Variants in XIRP2 observed in about 807,000 individuals in gnomAD.
XIRP2 encodes xin actin-binding repeat-containing protein 2.
XIRP2 carries 236 observed loss-of-function variants against 277.0 expected under a neutral mutation model. That is an observed-to-expected ratio of 0.85 (90% CI 0.77 to 0.95). The LOEUF (loss-of-function observed/expected upper bound fraction) is 0.95. Ranked by LOEUF, XIRP2 falls within the 40% of genes least tolerant of loss-of-function variation. The pLI is 0.00. For missense variants in XIRP2, 4,640 were observed against 4,157.5 expected (o/e 1.12, Z -3.19); for synonymous variants, 1,490 against 1,416.5 (o/e 1.05, Z -1.17).
intron 3 of XIRP2, among the ~76,000 whole-genome samples, chr2:167,150,729 AC>A (rs1212110411): frequency 2.0e-5 from 3 of 151,986 alleles, no homozygotes; most frequent in African/African-American, 4.8e-5. Flanking sequence ...AAATTGGGCA[AC>A]TTTTTGATTA....
intron 3 of XIRP2, among the ~76,000 whole-genome samples, chr2:167,158,686 G>T (rs893597334): frequency 6.6e-6 from 1 of 152,118 alleles, no homozygotes; most frequent in Non-Finnish European, 1.5e-5. Context: ...ATTGAAACTT[G>T]TAAATTTTAA....
chr2:167,027,654 T>C (rs1311066255), intron 2 of XIRP2, among the ~76,000 whole-genome samples: 4 of 152,096 alleles, frequency 2.6e-5, no homozygotes, highest in Non-Finnish European at 4.4e-5. Flanking sequence ...CTTTTGGTCT[T>C]TGATGATGGT....
chr2:167,183,823 G>T (rs538860801), intron 3 of XIRP2, among the ~76,000 whole-genome samples: 78 of 152,110 alleles, frequency 5.1e-4, no homozygotes, highest in African/African-American at 1.8e-3. Context: ...AGTAAGCAGG[G>T]TGTATTCAAA....
intron 5 of XIRP2, among the ~76,000 whole-genome samples, chr2:167,234,214 T>C (rs1694837046): frequency 6.6e-6 from 1 of 151,504 alleles, no homozygotes; most frequent in Non-Finnish European, 1.5e-5. Context: ...TTGCTCTTTC[T>C]AGCTAAATAT....
intron 2 of XIRP2, among the ~76,000 whole-genome samples, chr2:166,905,052 A>C (rs1464621312): frequency 6.6e-6 from 1 of 152,066 alleles, no homozygotes; most frequent in Non-Finnish European, 1.5e-5. Flanking sequence ...TAGAGACTAC[A>C]GAATCTCTTA....
At chr2:167,080,319 A>T (rs1411932423) in intron 2 of XIRP2, among the ~76,000 whole-genome samples, 1 of 152,230 alleles carries the variant, frequency 6.6e-6, no homozygotes, top group Non-Finnish European at 1.5e-5. Flanking sequence ...CTCAGAGAAG[A>T]CAAAAATCCC....
intron 2 of XIRP2, among the ~76,000 whole-genome samples, chr2:167,123,272 C>A (rs1465390075): frequency 6.6e-6 from 1 of 152,018 alleles, no homozygotes; most frequent in African/African-American, 2.4e-5. Context: ...TTTAATTCAT[C>A]CATTGGGGGT....
At chr2:167,231,968 A>G (rs1489206262) in intron 5 of XIRP2, among the ~76,000 whole-genome samples, 1 of 151,950 alleles carries the variant, frequency 6.6e-6, no homozygotes, top group African/African-American at 2.4e-5. Context: ...TACTGGATAC[A>G]AATCCTCCTA....
At chr2:167,161,863 C>G (rs1464748503) in intron 3 of XIRP2, among the ~76,000 whole-genome samples, 2 of 152,182 alleles carry the variant, frequency 1.3e-5, no homozygotes, top group Admixed American at 1.3e-4. Context: ...TTTCCAAACT[C>G]TTATGCTCTG....
intron 4 of XIRP2, 68 bp downstream of exon 4, chr2:167,210,963 T>C: frequency 6.4e-7 from 1 of 1,574,474 alleles, no homozygotes; most frequent in South Asian, 1.2e-5. Context: ...CCTCTTTATA[T>C]TTGAAATGTA....
intron 2 of XIRP2, among the ~76,000 whole-genome samples, chr2:166,942,764 C>T (rs1685753940): frequency 6.6e-6 from 1 of 151,786 alleles, no homozygotes; most frequent in Non-Finnish European, 1.5e-5. Context: ...AAAGAAATAT[C>T]AGTATGAGGT....
intron 3 of XIRP2, among the ~76,000 whole-genome samples, chr2:167,207,622 A>G (rs1358704548): frequency 6.6e-6 from 1 of 152,192 alleles, no homozygotes; most frequent in Non-Finnish European, 1.5e-5. Flanking sequence ...AAATTTTATT[A>G]ATAGATTTAG....
intron 2 of XIRP2, among the ~76,000 whole-genome samples, chr2:167,122,712 T>C (rs949452315): frequency 2.0e-5 from 3 of 152,170 alleles, no homozygotes; most frequent in Non-Finnish European, 4.4e-5. Context: ...AGGCCCCTTT[T>C]TGAGAAAATA....
Position 167,248,732 on chromosome 2 carries a change from C to T in XIRP2, c.7340C>T (p.Ala2447Val), listed in dbSNP as rs1327348116. Residue 2447 changes from alanine (A) to valine (V), a missense_variant, in exon 9 of 11, where the codon GCA (alanine) becomes GTA (valine). Ala to Val is a moderately conservative substitution (Grantham distance 64). Transcript: ENST00000409195. The part of the protein sequence containing the change: ...KNDFSPKVEL[A>V]TSLSDMECKI... The stretch of plus-strand genomic sequence containing the variant: ...GATTTTTCCCCCAAAGTTGAACTGG[C>T]AACCTCCCTGTCAGATATGGAATGT... 6.2e-7 allele frequency: 1 copy of T among 1,613,750 alleles called. No homozygotes were observed. Among genetic ancestry groups the T allele is most frequent in the Non-Finnish European group, 8.5e-7 (1 of 1,179,814 alleles).
At chr2:166,903,186 A>G (rs957318581) in intron 1 of XIRP2, among the ~76,000 whole-genome samples, 1 of 152,146 alleles carries the variant, frequency 6.6e-6, no homozygotes, top group Non-Finnish European at 1.5e-5. Flanking sequence ...TAAAAGGAAA[A>G]TGGAAGAAAA....
intron 2 of XIRP2, among the ~76,000 whole-genome samples, chr2:167,109,609 G>A (rs577114408): frequency 3.3e-5 from 5 of 152,202 alleles, no homozygotes; most frequent in African/African-American, 7.2e-5. Flanking sequence ...CCAGTCTAAC[G>A]TTCATGGGCA....
intron 3 of XIRP2, among the ~76,000 whole-genome samples, chr2:167,176,955 T>G (rs1216057172): frequency 6.6e-6 from 1 of 152,176 alleles, no homozygotes; most frequent in Non-Finnish European, 1.5e-5. Context: ...GTCACTGTCT[T>G]GCACTCAGAT....
intron 2 of XIRP2, among the ~76,000 whole-genome samples, chr2:166,953,175 G>A (rs1334121256): frequency 2.0e-5 from 3 of 151,824 alleles, no homozygotes; most frequent in Non-Finnish European, 2.9e-5. Context: ...TGCAGTGTAC[G>A]TTGTAACTGT....
At chr2:167,032,222 A>T (rs189949280) in intron 2 of XIRP2, among the ~76,000 whole-genome samples, 1 of 152,312 alleles carries the variant, frequency 6.6e-6, no homozygotes, top group African/African-American at 2.4e-5. Context: ...CCTATTTAAT[A>T]AATGGTGTTG....
Sources: allele counts gnomAD v4.1 joint callset (sites outside exome capture counted in the v4.1 genomes callset), GRCh38; gene constraint gnomAD v4.1.1; transcripts MANE v1.5; gene names NCBI Gene and HGNC (gene_info 2026-07-23, HGNC 2026-07-21).